The following MAD1L1 variants were observed in gnomAD, a reference collection of about 807,000 sequenced individuals.
MAD1L1 encodes mitotic spindle assembly checkpoint protein MAD1.
MAD1L1 carries 95 observed loss-of-function variants against 96.9 expected under a neutral mutation model. The ratio of observed to expected loss-of-function variants is 0.98; its 90% CI spans 0.83 to 1.16. The LOEUF is 1.16. MAD1L1 is among the 50% of genes most tolerant of loss of function. MAD1L1 has a pLI of 0.00. For missense variants in MAD1L1, 1,007 were observed against 954.4 expected, an observed-to-expected ratio of 1.06 and a Z score of -0.73; for synonymous variants, 473 against 396.6, an observed-to-expected ratio of 1.19 and a Z score of -2.29.
At chr7:1,858,492 A>G (rs1398436584) in intron 18 of MAD1L1, among the ~76,000 whole-genome samples, 3 of 152,202 alleles carry the variant, frequency 2.0e-5, no homozygotes, top group East Asian at 1.9e-4. Flanking sequence ...TCCGGCTCCC[A>G]TGTGGTGCCC....
chr7:2,003,247 C>T (rs997947438), intron 13 of MAD1L1, among the ~76,000 whole-genome samples: 1 of 152,112 alleles, frequency 6.6e-6, no homozygotes, highest in Non-Finnish European at 1.5e-5. Flanking sequence ...GGGAGAGAGG[C>T]GGGGAGGCGT....
At chr7:2,210,896 A>G (rs1057461278) in intron 10 of MAD1L1, among the ~76,000 whole-genome samples, 4 of 152,196 alleles carry the variant, frequency 2.6e-5, no homozygotes, top group Non-Finnish European at 4.4e-5. Context: ...TCCAACTCAC[A>G]GGGCCCTCCA....
intron 17 of MAD1L1, among the ~76,000 whole-genome samples, chr7:1,911,433 T>C (rs910980641): frequency 8.5e-5 from 13 of 152,182 alleles, no homozygotes; most frequent in African/African-American, 2.7e-4. Flanking sequence ...GGAAGCGCCA[T>C]TGCCCAGCAC....
chr7:2,186,817 G>A (rs1383901129), intron 10 of MAD1L1, among the ~76,000 whole-genome samples: 6 of 149,018 alleles, frequency 4.0e-5, no homozygotes, highest in African/African-American at 7.4e-5. Flanking sequence ...TCTCTGAGAC[G>A]GACTCTCGCT....
chr7:1,913,396 G>A (rs554181162), intron 17 of MAD1L1, among the ~76,000 whole-genome samples: 54 of 152,126 alleles, frequency 3.5e-4, no homozygotes, highest in African/African-American at 1.2e-3. Flanking sequence ...CAGGGCAGAC[G>A]GGCTCTGCAT....
chr7:1,989,437 A>G (rs1003482709), intron 14 of MAD1L1, among the ~76,000 whole-genome samples: 23 of 152,328 alleles, frequency 1.5e-4, no homozygotes, highest in Admixed American at 5.2e-4. Context: ...CAACCTGTTG[A>G]TCTCCGGTGG....
intron 14 of MAD1L1, among the ~76,000 whole-genome samples, chr7:1,998,153 C>A (rs1206793833): frequency 2.0e-5 from 3 of 152,232 alleles, no homozygotes; most frequent in African/African-American, 7.2e-5. Flanking sequence ...TCACAGCCCC[C>A]TGACCAGAAC....
intron 10 of MAD1L1, among the ~76,000 whole-genome samples, chr7:2,190,445 T>A (rs1044323409): frequency 2.0e-5 from 3 of 151,980 alleles, no homozygotes; most frequent in Admixed American, 6.6e-5. Context: ...ACACAAACCA[T>A]AAAGAAAATG....
chr7:2,119,748 A>G lies in MAD1L1; in HGVS notation c.1073+29404T>C, dbSNP rs1787887391. Among the ~76,000 whole-genome samples the G allele has an allele frequency of 3.3e-5, 5 of 152,168 alleles. No individual in the cohort carries two copies. In the South Asian group the frequency reaches 1.0e-3, roughly 31 times the overall value. On this transcript the variant is annotated intron_variant, in intron 11 of 18. Transcript: ENST00000265854. This position sits in a 1 kb window ranked among gnomAD's most constrained non-coding sequence, Gnocchi z 4.6. The stretch of plus-strand genomic sequence containing the variant: ...CCAGTCCAGCAGGGGACCCCTCAGC[A>G]CAGTCCTGGCTGCACCCATACAGCT...
rs1785061602 is a variant in MAD1L1, at chr7:1,871,113, C to A, written c.1998+27087G>T. On this transcript the variant is annotated intron_variant, in intron 18 of 18. Transcript: ENST00000265854. ...CTGCCACGCTGAACCCACCGTAACACCTGCCACACTGAACCCAACATACGC... is the reference window on the plus strand; with the variant it reads ...CTGCCACGCTGAACCCACCGTAACAACTGCCACACTGAACCCAACATACGC... Among the ~76,000 whole-genome samples the A allele has an allele frequency of 1.3e-5, 2 of 149,462 alleles. 1 individual carries two copies. Among genetic ancestry groups the A allele is most frequent in the Non-Finnish European group, 3.0e-5 (2 of 67,512 alleles).
intron 18 of MAD1L1, among the ~76,000 whole-genome samples, chr7:1,839,695 A>G (rs1767525460): frequency 6.6e-6 from 1 of 152,176 alleles, no homozygotes; most frequent in South Asian, 2.1e-4. Context: ...CAGAAGATAC[A>G]GAAGGGCTCT....
chr7:1,842,153 T>G (rs568821321), intron 18 of MAD1L1, among the ~76,000 whole-genome samples: 2 of 152,336 alleles, frequency 1.3e-5, no homozygotes, highest in South Asian at 2.1e-4. Context: ...TATGGCTTTG[T>G]AGATCTTGTG....
At chr7:2,092,029 G>A (rs1277270715) in intron 11 of MAD1L1, among the ~76,000 whole-genome samples, 13 of 152,154 alleles carry the variant, frequency 8.5e-5, no homozygotes, top group Admixed American at 1.3e-4. Flanking sequence ...CAGGTCATAC[G>A]ATAAGACCGT....
intron 15 of MAD1L1, among the ~76,000 whole-genome samples, chr7:1,978,882 G>A (rs964256043): frequency 6.6e-6 from 1 of 152,228 alleles, no homozygotes; most frequent in Non-Finnish European, 1.5e-5. Context: ...CTGAACACTT[G>A]AACGGCTGAG....
intron 18 of MAD1L1, among the ~76,000 whole-genome samples, chr7:1,892,874 C>T (rs1786635491): frequency 1.3e-5 from 2 of 152,216 alleles, no homozygotes; most frequent in South Asian, 2.1e-4. Flanking sequence ...ACTGCATTTG[C>T]TCTGTGTCCC....
rs1040493993 is a variant in MAD1L1, at chr7:1,968,690, G to C, written c.1506-10971C>G. Among the ~76,000 whole-genome samples the C allele has an allele frequency of 4.6e-5, 7 of 152,268 alleles. No individual in the cohort carries two copies. The highest frequency in any genetic ancestry group is 8.8e-5 in the Non-Finnish European group (6 of 68,036). On this transcript the variant is annotated intron_variant, in intron 15 of 18. Coordinates refer to ENST00000265854, the MANE Select transcript of MAD1L1 (RefSeq NM_001013836.2). The surrounding 1 kb of genome is among the most constrained non-coding windows in gnomAD (Gnocchi z 5.6). ...GGGGCTCCCTGATGGGACGTGGTGA[G>C]AAAGGACTTGTCGTCTGTGATCTTC...
intron 11 of MAD1L1, among the ~76,000 whole-genome samples, chr7:2,098,068 A>G (rs924175034): frequency 1.3e-5 from 2 of 152,214 alleles, no homozygotes; most frequent in African/African-American, 4.8e-5. Context: ...CGGCGGCTCC[A>G]TGCCACACAG....
chr7:2,002,605 C>A lies in MAD1L1; in HGVS notation c.1360-484G>T, dbSNP rs201447619. ...GAGCATCTCCTCCACCACGGCCACC[C>A]CCAAGCAGGACCCCGACCCAGGCAG... On this transcript the variant is annotated intron_variant, in intron 13 of 18. Coordinates refer to ENST00000265854, the MANE Select transcript of MAD1L1 (RefSeq NM_001013836.2). Among the ~76,000 whole-genome samples, 657 of 152,274 alleles carry A rather than the reference C, an allele frequency of 4.3e-3. 4 individuals are homozygous for A. Among genetic ancestry groups the A allele is most frequent in the African/African-American group, 0.015 (638 of 41,550 alleles).
At chr7:2,036,563 G>A (rs953978276) in intron 12 of MAD1L1, among the ~76,000 whole-genome samples, 9 of 152,124 alleles carry the variant, frequency 5.9e-5, no homozygotes, top group Admixed American at 3.3e-4. Context: ...TAAATCCCAC[G>A]GAAGCCCAGG....
Sources: gnomAD v4.1 joint callset for allele counts (sites outside exome capture counted in the v4.1 genomes callset) on GRCh38, gnomAD v4.1.1 for gene constraint, Gnocchi (gnomAD v3.1) non-coding constraint, MANE v1.5 for transcripts, NCBI Gene and HGNC (gene_info 2026-07-23, HGNC 2026-07-21) for gene names.